GLT8D2: variants seen among roughly 807,000 people sequenced by gnomAD.
GLT8D2 encodes the protein glycosyltransferase 8 domain-containing protein 2.
Under a neutral mutation model 44.5 loss-of-function variants are expected in GLT8D2, and 45 were observed. That is an observed-to-expected ratio of 1.01 (90% confidence interval 0.80 to 1.30). The LOEUF (loss-of-function observed/expected upper bound fraction) is 1.30, where lower values mean the gene tolerates loss of function less well. GLT8D2 is among the 50% of genes most tolerant of loss of function. The pLI is 0.00. For missense variants in GLT8D2, 400 were observed against 430.4 expected (o/e 0.93, Z 0.62); for synonymous variants, 156 against 157.2 (o/e 0.99, Z 0.06).
At chr12:104,032,534 C>T (rs973144306) in intron 1 of GLT8D2, among the ~76,000 whole-genome samples, 5 of 128,742 alleles carry the variant, frequency 3.9e-5, no homozygotes, top group African/African-American at 1.6e-4. Flanking sequence ...AGAAAGCACA[C>T]AAATGGCCAA....
At chr12:104,042,049 C>T (rs540732989) in intron 1 of GLT8D2, among the ~76,000 whole-genome samples, 1 of 152,220 alleles carries the variant, frequency 6.6e-6, no homozygotes. Flanking sequence ...AGTGTGGCAG[C>T]CTTGATAGCT....
chr12:104,029,141 T>C (rs1279243738), intron 1 of GLT8D2, among the ~76,000 whole-genome samples: 1 of 151,992 alleles, frequency 6.6e-6, no homozygotes, highest in African/African-American at 2.4e-5. Context: ...AACACAAAAA[T>C]TAGCTGGGCA....
intron 1 of GLT8D2, among the ~76,000 whole-genome samples, chr12:104,062,940 C>A (rs1040370962): frequency 1.3e-5 from 2 of 152,142 alleles, no homozygotes; most frequent in African/African-American, 4.8e-5. Flanking sequence ...GTCAGATCAA[C>A]CGCGCATTAG....
intron 1 of GLT8D2, among the ~76,000 whole-genome samples, chr12:104,039,648 A>C (rs1023131241): frequency 1.3e-5 from 2 of 152,242 alleles, no homozygotes; most frequent in African/African-American, 4.8e-5. Flanking sequence ...AGGAAACAAC[A>C]GATGCTGGAG....
At chr12:104,052,365 T>C (rs1045342431), upstream of GLT8D2, among the ~76,000 whole-genome samples, 1 of 152,198 alleles carries the variant, frequency 6.6e-6, no homozygotes, top group Non-Finnish European at 1.5e-5. Flanking sequence ...ACATTTCTGG[T>C]AGGTAAGTTG....
chr12:104,038,303 G>A (rs1435633906), intron 1 of GLT8D2, among the ~76,000 whole-genome samples: 1 of 152,176 alleles, frequency 6.6e-6, no homozygotes, highest in Non-Finnish European at 1.5e-5. Flanking sequence ...AGGGCAATCA[G>A]GCAGGAGAAA....
chr12:104,016,736 A>AAAGG (rs1876723509), intron 3 of GLT8D2, among the ~76,000 whole-genome samples: 1 of 91,824 alleles, frequency 1.1e-5, no homozygotes, highest in African/African-American at 4.1e-5. Context: ...AGAAAGAAAG[A>AAAGG]AAGAAAGAAA....
intron 3 of GLT8D2, among the ~76,000 whole-genome samples, chr12:104,017,916 A>C (rs1877096629): frequency 6.6e-6 from 1 of 152,218 alleles, no homozygotes; most frequent in African/African-American, 2.4e-5. Flanking sequence ...AAGGCAATGC[A>C]GGCCCAATAA....
At chr12:104,036,919 C>T (rs1566209424) in intron 1 of GLT8D2, among the ~76,000 whole-genome samples, 1 of 152,174 alleles carries the variant, frequency 6.6e-6, no homozygotes, top group Non-Finnish European at 1.5e-5. Context: ...GGAAGTAAAA[C>T]ACTCTTCAGC....
At chr12:104,013,575 A>G (rs1876149580) in intron 4 of GLT8D2, among the ~76,000 whole-genome samples, 1 of 152,188 alleles carries the variant, frequency 6.6e-6, no homozygotes, top group East Asian at 1.9e-4. Flanking sequence ...TTTAGATCAG[A>G]TTATACATGT....
At chr12:103,994,000 C>T (rs1240131148) in intron 9 of GLT8D2, 3 of 168,612 alleles carry the variant, frequency 1.8e-5, no homozygotes, top group African/African-American at 4.8e-5. Flanking sequence ...ATATAATAAT[C>T]CTTAATAAAA....
chr12:104,026,115 C>T (rs1246039270), intron 1 of GLT8D2, among the ~76,000 whole-genome samples: 5 of 151,802 alleles, frequency 3.3e-5, no homozygotes, highest in African/African-American at 9.7e-5. Flanking sequence ...CCCATCTCTA[C>T]TAAAAATTCA....
intron 6 of GLT8D2, 75 bp from the exon 7 acceptor site, chr12:103,997,610 C>T (rs1027751500): frequency 2.0e-5 from 21 of 1,024,734 alleles, no homozygotes; most frequent in African/African-American, 1.6e-4. Context: ...ACTGGAGAGT[C>T]GGCTTTGACC....
chr12:104,019,455 G>C (rs990246511), intron 3 of GLT8D2, among the ~76,000 whole-genome samples, 175 bp downstream of exon 3: 5 of 152,046 alleles, frequency 3.3e-5, no homozygotes, highest in African/African-American at 1.2e-4. Flanking sequence ...CTAAAATACT[G>C]AACAACTCTC....
intron 1 of GLT8D2, among the ~76,000 whole-genome samples, chr12:104,048,182 T>C (rs1214782562): frequency 6.6e-6 from 1 of 152,300 alleles, no homozygotes; most frequent in South Asian, 2.1e-4. Context: ...AGGTGGAGAA[T>C]AGGATGTCCA....
At chr12:104,055,972 C>G (rs1566217242) in intron 1 of GLT8D2, among the ~76,000 whole-genome samples, 1 of 152,240 alleles carries the variant, frequency 6.6e-6, no homozygotes, top group Non-Finnish European at 1.5e-5. Context: ...TTGCCCTGAG[C>G]TTCGGTGCTC....
chr12:104,015,977 C>G (rs1411255150), intron 3 of GLT8D2, among the ~76,000 whole-genome samples: 1 of 152,152 alleles, frequency 6.6e-6, no homozygotes, highest in African/African-American at 2.4e-5. Context: ...GGCAATAGAG[C>G]AAGACCTTCC....
chr12:103,997,914 T>C (rs1415496190), intron 6 of GLT8D2, among the ~76,000 whole-genome samples: 2 of 146,056 alleles, frequency 1.4e-5, no homozygotes, highest in African/African-American at 2.6e-5. Context: ...CAGCCTTAAA[T>C]ACACACACAC....
intron 3 of GLT8D2, among the ~76,000 whole-genome samples, chr12:104,016,865 A>C (rs982744642): frequency 2.8e-4 from 42 of 151,238 alleles, no homozygotes; most frequent in African/African-American, 9.5e-4. Flanking sequence ...AAAGAAAGAA[A>C]GAAAGAAAGA....
Sources: gnomAD v4.1 joint callset for allele counts (sites outside exome capture counted in the v4.1 genomes callset) on GRCh38, gnomAD v4.1.1 for gene constraint, MANE v1.5 for transcripts, NCBI Gene and HGNC (gene_info 2026-07-23, HGNC 2026-07-21) for gene names.